LRRTM4: variants seen among roughly 807,000 people sequenced by gnomAD.
The protein encoded by LRRTM4 is leucine-rich repeat transmembrane neuronal protein 4.
A neutral mutation model predicts 47.6 loss-of-function variants in LRRTM4; 25 were observed. That is an observed-to-expected ratio of 0.53 (90% CI 0.38 to 0.73). LRRTM4 has a LOEUF of 0.73. Ranked by LOEUF, LRRTM4 falls within the 30% of genes least tolerant of loss-of-function variation. The pLI is 0.00. For synonymous variants in LRRTM4, 311 were observed against 269.5 expected (o/e 1.15, Z -1.51); for missense variants, 638 against 713.4 (o/e 0.89, Z 1.20).
intron 3 of LRRTM4, among the ~76,000 whole-genome samples, chr2:76,981,754 A>C (rs911684017): frequency 2.6e-5 from 4 of 151,914 alleles, no homozygotes; most frequent in African/African-American, 7.2e-5. Context: ...CAGCCTCCCA[A>C]AGGCTTGAGT....
intron 3 of LRRTM4, among the ~76,000 whole-genome samples, chr2:76,795,614 T>C (rs1573117767): frequency 8.9e-6 from 1 of 112,378 alleles, no homozygotes; most frequent in Admixed American, 1.0e-4. Context: ...ACATTTTCTT[T>C]ATCCATCCAT....
At chr2:76,907,256 T>C (rs992783870) in intron 3 of LRRTM4, among the ~76,000 whole-genome samples, 2 of 142,894 alleles carry the variant, frequency 1.4e-5, no homozygotes, top group Admixed American at 7.3e-5. Flanking sequence ...AGGTACATAA[T>C]GAAATGAAGG....
intron 3 of LRRTM4, among the ~76,000 whole-genome samples, chr2:76,766,096 A>C (rs924140095): frequency 1.3e-5 from 2 of 152,232 alleles, no homozygotes; most frequent in African/African-American, 4.8e-5. Flanking sequence ...TCTCCAGAGA[A>C]AGTACCTCTG....
chr2:77,051,319 G>C (rs1679424677), intron 3 of LRRTM4, among the ~76,000 whole-genome samples: 2 of 152,120 alleles, frequency 1.3e-5, no homozygotes, highest in African/African-American at 4.8e-5. Flanking sequence ...TGTTAGGAGA[G>C]TGGGATAAAA....
chr2:76,984,232 T>C (rs751095028), intron 3 of LRRTM4, among the ~76,000 whole-genome samples: 28 of 152,052 alleles, frequency 1.8e-4, no homozygotes, highest in Non-Finnish European at 3.4e-4. Flanking sequence ...TGATGTATTG[T>C]TGATTTAATA....
intron 3 of LRRTM4, among the ~76,000 whole-genome samples, chr2:77,034,396 G>C: frequency 6.6e-6 from 1 of 151,718 alleles, no homozygotes; most frequent in Non-Finnish European, 1.5e-5. Context: ...TTTCTTCTAC[G>C]TTTTTCTAGT....
At chr2:77,019,993 G>A (rs1678210265) in intron 3 of LRRTM4, among the ~76,000 whole-genome samples, 1 of 151,912 alleles carries the variant, frequency 6.6e-6, no homozygotes, top group Non-Finnish European at 1.5e-5. Context: ...TTTTTTGATA[G>A]CAAAATAGTT....
intron 3 of LRRTM4, among the ~76,000 whole-genome samples, chr2:77,407,168 G>A (rs551424430): frequency 1.3e-5 from 2 of 152,200 alleles, no homozygotes; most frequent in African/African-American, 4.8e-5. Flanking sequence ...GTATCCATAA[G>A]GTCAGATGAA....
intron 3 of LRRTM4, among the ~76,000 whole-genome samples, chr2:77,060,662 A>G (rs1679757070): frequency 6.6e-6 from 1 of 152,212 alleles, no homozygotes; most frequent in Non-Finnish European, 1.5e-5. Context: ...AGTATTGTGT[A>G]ATGCTGAATA....
At chr2:77,505,103 AT>A (rs1678718409) in intron 3 of LRRTM4, among the ~76,000 whole-genome samples, 1 of 151,324 alleles carries the variant, frequency 6.6e-6, no homozygotes, top group African/African-American at 2.4e-5. Flanking sequence ...AGAGATAATT[AT>A]AAATTACGAA....
chr2:77,376,604 T>C (rs1340361226), intron 3 of LRRTM4, among the ~76,000 whole-genome samples: 3 of 151,788 alleles, frequency 2.0e-5, no homozygotes, highest in African/African-American at 7.2e-5. Flanking sequence ...CTCAATCTTA[T>C]GCCGATTGAT....
At chr2:77,083,391 A>G (rs910338486) in intron 3 of LRRTM4, among the ~76,000 whole-genome samples, 27 of 152,312 alleles carry the variant, frequency 1.8e-4, no homozygotes, top group African/African-American at 5.8e-4. Context: ...CATAGGCACC[A>G]AAACAACATA....
chr2:77,068,246 C>G (rs566941811), intron 3 of LRRTM4, among the ~76,000 whole-genome samples: 1 of 152,212 alleles, frequency 6.6e-6, no homozygotes, highest in South Asian at 2.1e-4. Context: ...CATCTGCCAG[C>G]TAGAAACTTG....
At chr2:76,814,324 T>C (rs993391737) in intron 3 of LRRTM4, among the ~76,000 whole-genome samples, 2 of 152,120 alleles carry the variant, frequency 1.3e-5, no homozygotes, top group African/African-American at 2.4e-5. Context: ...GTTAAAATGC[T>C]TAAAGAAGTT....
rs116651335 is a variant in LRRTM4 at position 76,829,042 on chromosome 2, A to G, written c.1552-80126T>C. On this transcript the variant is annotated intron_variant, in intron 3 of 3. Coordinates refer to ENST00000409884, the MANE Select transcript of LRRTM4 (RefSeq NM_001134745.3). Reference sequence around the variant, plus strand: ...TGACCCTTCCCATGTGACCAGGGGTATGGAACCAAGGGAATGTCCCTATTC... The same window carrying G: ...TGACCCTTCCCATGTGACCAGGGGTGTGGAACCAAGGGAATGTCCCTATTC... 7.3e-3 allele frequency among the ~76,000 whole-genome samples: 1,112 copies of G among 152,032 alleles called. 15 individuals are homozygous for G. Among genetic ancestry groups the G allele is most frequent in the African/African-American group, 0.025 (1,057 of 41,516 alleles).
At position 77,219,398 on chromosome 2, in the gene LRRTM4, C is replaced by T. The variant is rs556082699; in HGVS notation, c.1551+298920G>A. ...ACTGAAACAAAAAACACCAGAAGGC[C>T]TCAAATCCCTTCCCCCAGAAGTCTG... On this transcript the variant is annotated intron_variant, in intron 3 of 3. Coordinates refer to ENST00000409884, the MANE Select transcript of LRRTM4 (RefSeq NM_001134745.3). 1.7e-3 allele frequency among the ~76,000 whole-genome samples: 256 copies of T among 152,170 alleles called. 1 individual carries two copies. The highest frequency in any genetic ancestry group is 6.0e-3 in the African/African-American group (248 of 41,536).
At chr2:76,999,535 TA>T (rs1289432101) in intron 3 of LRRTM4, among the ~76,000 whole-genome samples, 6 of 151,830 alleles carry the variant, frequency 4.0e-5, no homozygotes, top group African/African-American at 1.5e-4. Flanking sequence ...AATCAACATA[TA>T]TTGAGCCTAG....
chr2:77,116,953 A>C (rs1456359689), intron 3 of LRRTM4, among the ~76,000 whole-genome samples: 1 of 152,054 alleles, frequency 6.6e-6, no homozygotes, highest in Non-Finnish European at 1.5e-5. Flanking sequence ...ACACAGACAT[A>C]TACACACACA....
intron 3 of LRRTM4, among the ~76,000 whole-genome samples, chr2:76,821,146 A>ACTGCTC (rs1449816153): frequency 5.3e-5 from 8 of 151,720 alleles, no homozygotes; most frequent in Non-Finnish European, 1.0e-4. Flanking sequence ...AGGTTAAGAA[A>ACTGCTC]AAAAGAGTTA....
Sources: allele counts gnomAD v4.1 joint callset (sites outside exome capture counted in the v4.1 genomes callset), GRCh38; gene constraint gnomAD v4.1.1; transcripts MANE v1.5; gene names NCBI Gene and HGNC (gene_info 2026-07-23, HGNC 2026-07-21).